AKAP11: variants seen among roughly 807,000 people sequenced by gnomAD.
AKAP11 encodes the protein A-kinase anchor protein 11.
In AKAP11, 36 loss-of-function variants were observed where a neutral mutation model predicts 146.1. The observed-to-expected ratio is 0.25, with a 90% confidence interval of 0.19 to 0.33. AKAP11 has a LOEUF of 0.33. Among genes scored for constraint, AKAP11 ranks in the 10% least tolerant of loss-of-function variants. The pLI, the probability that AKAP11 is intolerant of heterozygous loss-of-function variation, is 1.00. For synonymous variants in AKAP11, 780 were observed against 786.5 expected, an observed-to-expected ratio of 0.99 and a Z score of 0.14; for missense variants, 2,201 against 2,197.0, an observed-to-expected ratio of 1.00 and a Z score of -0.04.
intron 1 of AKAP11, among the ~76,000 whole-genome samples, chr13:42,275,869 C>G (rs1252909116): frequency 6.6e-6 from 1 of 152,088 alleles, no homozygotes; most frequent in Non-Finnish European, 1.5e-5. Flanking sequence ...GAGAGCATAC[C>G]GTGTGGCAGG....
At chr13:42,311,970 G>C (rs1960587604) in intron 9 of AKAP11, among the ~76,000 whole-genome samples, 1 of 152,068 alleles carries the variant, frequency 6.6e-6, no homozygotes, top group Non-Finnish European at 1.5e-5. Flanking sequence ...CAAATTATTT[G>C]AGATTGCTTG....
intron 11 of AKAP11, among the ~76,000 whole-genome samples, chr13:42,317,312 A>G (rs1960867691): frequency 6.6e-6 from 1 of 152,216 alleles, no homozygotes; most frequent in African/African-American, 2.4e-5. Flanking sequence ...ATATTTTTGC[A>G]ATCAATAAAT....
rs1959646484 is a variant in AKAP11, at chr13:42,298,551, C to T, written c.370C>T (p.Leu124Phe). Residue 124 changes from leucine (L) to phenylalanine (F), a missense_variant, in exon 7 of 13, where the codon CTT (leucine) becomes TTT (phenylalanine). Around this residue, in one of 3 missense-constraint regions of AKAP11, gnomAD observed 331 missense variants for 347.4 expected, o/e 0.95. Transcript: ENST00000025301. ...PLNQSHPSGM[L>F]CVMRVSPTSP... Reference sequence around the variant, plus strand: ...TCCCAAGAGTCATCCTTCTGGAATGCTTTGTGTCATGAGAGTGTCACCTAC... The same window carrying T: ...TCCCAAGAGTCATCCTTCTGGAATGTTTTGTGTCATGAGAGTGTCACCTAC... 3.7e-6 allele frequency: 6 copies of T among 1,608,948 alleles called. No individual in the cohort carries two copies. Among genetic ancestry groups the T allele is most frequent in the Non-Finnish European group, 5.1e-6 (6 of 1,178,206 alleles).
rs753311572 is a variant in AKAP11, at chr13:42,302,183, T to C, written c.3437T>C (p.Val1146Ala). 3.1e-6 allele frequency: 5 copies of C among 1,614,198 alleles called. No homozygotes were observed. The East Asian group carries it at 1.1e-4, about 36-fold the overall frequency. The change falls in exon 8 of 13, where the codon GTT becomes GCT. Residue 1146 changes from valine (V) to alanine (A), a missense_variant. Transcript: ENST00000025301. ...CCTTCTACTCCACACAACTCATCTG[T>C]TGGTAGTTTGTCTGAGAATGAACAA... Reference protein sequence around the residue: ...TPPSTPHNSSVGSLSENEQNT... With the variant: ...TPPSTPHNSSAGSLSENEQNT...
chr13:42,277,049 GT>G (rs1958939979), intron 1 of AKAP11, among the ~76,000 whole-genome samples: 1 of 152,166 alleles, frequency 6.6e-6, no homozygotes, highest in Non-Finnish European at 1.5e-5. Context: ...CAAGATTTTA[GT>G]TTTTTGTTGT....
At chr13:42,291,611 T>C (rs1470995098) in intron 3 of AKAP11, among the ~76,000 whole-genome samples, 1 of 152,192 alleles carries the variant, frequency 6.6e-6, no homozygotes, top group African/African-American at 2.4e-5. Flanking sequence ...GCAGGAACTT[T>C]GAGAGAGATT....
At position 42,302,801 on chromosome 13, in the gene AKAP11, T is replaced by C; in HGVS notation, c.4055T>C (p.Ile1352Thr). The C allele has an allele frequency of 6.2e-7, 1 of 1,614,150 alleles. No homozygotes were observed. Among genetic ancestry groups the C allele is most frequent in the Non-Finnish European group, 8.5e-7 (1 of 1,180,024 alleles). ...TDEYAGHLIQ[I>T]LKQEGGNSEL... ...GAATATGCAGGTCACCTTATTCAGA[T>C]ACTAAAACAGGAAGGTGGTAATAGT... The change falls in exon 8 of 13, where the codon ATA (isoleucine) becomes ACA (threonine). Residue 1352 changes from isoleucine (I) to threonine (T), a missense_variant. Transcript: ENST00000025301.
At chr13:42,297,292 G>T in intron 6 of AKAP11, 110 bp downstream of exon 6, 1 of 767,664 alleles carries the variant, frequency 1.3e-6, no homozygotes, top group East Asian at 3.2e-5. Context: ...TTTTTAAATG[G>T]TATCTCAAGG....
intron 1 of AKAP11, among the ~76,000 whole-genome samples, chr13:42,278,177 A>G (rs1304011713): frequency 2.0e-5 from 3 of 152,188 alleles, no homozygotes; most frequent in African/African-American, 2.4e-5. Context: ...AAGAACATAT[A>G]TATTGTGAAT....
At chr13:42,285,244 A>G (rs932354957) in intron 1 of AKAP11, among the ~76,000 whole-genome samples, 1 of 152,068 alleles carries the variant, frequency 6.6e-6, no homozygotes, top group Non-Finnish European at 1.5e-5. Context: ...GGGTCTTACA[A>G]TATTGTCTAG....
chr13:42,317,440 C>G, intron 11 of AKAP11, 88 bp from the exon 12 acceptor site: 1 of 1,338,682 alleles, frequency 7.5e-7, no homozygotes, highest in Non-Finnish European at 1.0e-6. Flanking sequence ...TCCTAAGAAC[C>G]AGAAAATATT....
At chr13:42,309,147 CA>C (rs772770352) in intron 9 of AKAP11, among the ~76,000 whole-genome samples, 5 of 148,810 alleles carry the variant, frequency 3.4e-5, no homozygotes, top group Admixed American at 6.6e-5. Flanking sequence ...TTTTGTATAG[CA>C]CAAGGCACTT....
At chr13:42,283,047 C>G (rs1245353012) in intron 1 of AKAP11, among the ~76,000 whole-genome samples, 1 of 152,182 alleles carries the variant, frequency 6.6e-6, no homozygotes, top group Non-Finnish European at 1.5e-5. Context: ...TAAAGAAATC[C>G]TGCTCTAGTA....
At position 42,322,028 on chromosome 13, in the gene AKAP11, A is replaced by AT. The variant is rs1961108665; in HGVS notation, c.*2805dup. ...CATGTATATTTTGGTGTTAAGGTTG[A>AT]TTTTTAAGATACTTCTGATTTGTAC... On this transcript the variant is annotated 3_prime_UTR_variant, in exon 13 of 13. Coordinates refer to ENST00000025301, the MANE Select transcript of AKAP11 (RefSeq NM_016248.4). 1 of 152,292 alleles carries AT rather than the reference A, an allele frequency of 6.6e-6. No individual in the cohort carries two copies. The highest frequency in any genetic ancestry group is 2.1e-4 in the South Asian group (1 of 4,828). 9.4% of individuals were successfully genotyped at this position (152,292 alleles called of 1,614,324 possible).
chr13:42,294,085 C>A (rs921796228), intron 4 of AKAP11, among the ~76,000 whole-genome samples: 2 of 152,098 alleles, frequency 1.3e-5, no homozygotes, highest in Admixed American at 6.6e-5. Flanking sequence ...GAAGTAATAG[C>A]CATAATTAAT....
intron 1 of AKAP11, among the ~76,000 whole-genome samples, chr13:42,275,014 G>C (rs1958880417): frequency 6.6e-6 from 1 of 152,146 alleles, no homozygotes; most frequent in African/African-American, 2.4e-5. Flanking sequence ...AGGATTCTTT[G>C]ATTGCAAGGA....
intron 1 of AKAP11, among the ~76,000 whole-genome samples, chr13:42,274,046 A>G (rs1462029878): frequency 2.0e-5 from 3 of 152,218 alleles, no homozygotes; most frequent in Non-Finnish European, 2.9e-5. Context: ...TAGAAAAATA[A>G]ATTTTTTGGC....
chr13:42,286,372 C>G lies in AKAP11; in HGVS notation c.24C>G (p.His8Gln). ...TTATGGCGACTTTCAGAAACAATCA[C>G]ATGAAGACTAAAGCATCTGTCAGAA... is the stretch of plus-strand genomic sequence containing the variant. MATFRNN[H>Q]MKTKASVRKS... The change falls in exon 3 of 13, where the codon CAC becomes CAG. Residue 8 changes from histidine (H) to glutamine (Q), a missense_variant. Physicochemically the swap from His to Gln is conservative, Grantham distance 24 (BLOSUM62 0). Coordinates refer to ENST00000025301, the MANE Select transcript of AKAP11 (RefSeq NM_016248.4). 1 of 1,601,844 alleles carries G rather than the reference C, an allele frequency of 6.2e-7. No individual in the cohort carries two copies. The highest frequency in any genetic ancestry group is 1.1e-5 in the South Asian group (1 of 88,450).
intron 11 of AKAP11, 96 bp from the exon 12 acceptor site, chr13:42,317,432 C>T: frequency 7.7e-7 from 1 of 1,304,772 alleles, no homozygotes; most frequent in East Asian, 2.5e-5. Context: ...CATTAGAATC[C>T]TAAGAACCAG....
Sources: allele counts gnomAD v4.1 joint callset (sites outside exome capture counted in the v4.1 genomes callset), GRCh38; gene constraint gnomAD v4.1.1; regional missense constraint gnomAD v4.1.1; transcripts MANE v1.5; gene names NCBI Gene and HGNC (gene_info 2026-07-23, HGNC 2026-07-21).